SNTG1: variants seen among roughly 807,000 people sequenced by gnomAD.
SNTG1 encodes the protein gamma-1-syntrophin.
Under a neutral mutation model 74.7 loss-of-function variants are expected in SNTG1, and 39 were observed. The observed-to-expected ratio is 0.52, with a 90% confidence interval of 0.40 to 0.68. The LOEUF (loss-of-function observed/expected upper bound fraction) is 0.68, where lower values mean the gene tolerates loss of function less well. SNTG1 is among the 30% of genes least tolerant of loss of function. The pLI, the probability that SNTG1 is intolerant of heterozygous loss-of-function variation, is 0.00. For missense variants in SNTG1, 685 were observed against 609.5 expected, an observed-to-expected ratio of 1.12 and a Z score of -1.30; for synonymous variants, 254 against 217.1, an observed-to-expected ratio of 1.17 and a Z score of -1.49.
At chr8:50,107,625 A>T (rs747155042) in intron 1 of SNTG1, among the ~76,000 whole-genome samples, 7 of 151,798 alleles carry the variant, frequency 4.6e-5, no homozygotes, top group Non-Finnish European at 1.0e-4. Flanking sequence ...ATCTTGGCTC[A>T]CTGAAACCTC....
chr8:49,995,255 G>A (rs1280871545), intron 1 of SNTG1, among the ~76,000 whole-genome samples: 4 of 152,202 alleles, frequency 2.6e-5, no homozygotes, highest in African/African-American at 9.7e-5. Context: ...AGAAAGGACA[G>A]TTGCAGCTAT....
intron 11 of SNTG1, among the ~76,000 whole-genome samples, chr8:50,548,851 G>A (rs755723726): frequency 6.6e-6 from 1 of 152,110 alleles, no homozygotes; most frequent in South Asian, 2.1e-4. Context: ...TATTTTTAAC[G>A]GATTCTTCAG....
intron 2 of SNTG1, among the ~76,000 whole-genome samples, chr8:50,179,230 T>C (rs1482934215): frequency 6.6e-6 from 1 of 152,142 alleles, no homozygotes; most frequent in Admixed American, 6.5e-5. Context: ...TAATTTGAAG[T>C]CAGGAAATAT....
At chr8:49,986,006 G>C (rs1293550939) in intron 1 of SNTG1, among the ~76,000 whole-genome samples, 1 of 152,100 alleles carries the variant, frequency 6.6e-6, no homozygotes, top group African/African-American at 2.4e-5. Context: ...TTATAGAAAA[G>C]TGTTAGAGTT....
At chr8:50,779,793 G>C (rs1464659525) in intron 18 of SNTG1, among the ~76,000 whole-genome samples, 4 of 152,010 alleles carry the variant, frequency 2.6e-5, no homozygotes, top group Non-Finnish European at 4.4e-5. Flanking sequence ...TTTTCAAAGG[G>C]AATGCTTCCA....
chr8:50,334,514 A>AAG (rs34886806), intron 2 of SNTG1, among the ~76,000 whole-genome samples: 7,577 of 151,816 alleles, frequency 0.05, 258 homozygotes, highest in Non-Finnish European at 0.078. Flanking sequence ...CTAAAAAAAA[A>AAG]AAAAAGGAAA....
intron 11 of SNTG1, among the ~76,000 whole-genome samples, chr8:50,542,249 G>A (rs1020866288): frequency 6.7e-5 from 10 of 149,056 alleles, no homozygotes; most frequent in Non-Finnish European, 1.2e-4. Flanking sequence ...CTCCACCCCC[G>A]GGTTCAAGCA....
chr8:50,468,841 A>G (rs775996725), intron 8 of SNTG1, among the ~76,000 whole-genome samples: 21 of 152,142 alleles, frequency 1.4e-4, no homozygotes, highest in Admixed American at 3.3e-4. Context: ...GTTTTTAAAA[A>G]TCTGTATGCA....
At chr8:50,331,924 G>C (rs1440896050) in intron 2 of SNTG1, among the ~76,000 whole-genome samples, 2 of 152,178 alleles carry the variant, frequency 1.3e-5, no homozygotes, top group South Asian at 4.1e-4. Context: ...GAATTTTTCA[G>C]AAGTCAGTCA....
chr8:50,058,893 C>T (rs746707244), intron 1 of SNTG1, among the ~76,000 whole-genome samples: 1 of 152,052 alleles, frequency 6.6e-6, no homozygotes, highest in Non-Finnish European at 1.5e-5. Context: ...ACCTCTCTCT[C>T]TTACCCTCTC....
intron 1 of SNTG1, among the ~76,000 whole-genome samples, chr8:50,170,221 G>T (rs2082759678): frequency 6.6e-6 from 1 of 152,070 alleles, no homozygotes; most frequent in East Asian, 1.9e-4. Flanking sequence ...CCTCAACATT[G>T]GTCCTTTGGA....
chr8:50,532,249 ATAAAG>A (rs1201385286), intron 10 of SNTG1, among the ~76,000 whole-genome samples: 3 of 152,316 alleles, frequency 2.0e-5, no homozygotes, highest in East Asian at 1.9e-4. Context: ...TGAAAACAAA[ATAAAG>A]TATATTCAAA....
At chr8:50,189,017 T>C (rs1355174654) in intron 2 of SNTG1, among the ~76,000 whole-genome samples, 2 of 152,144 alleles carry the variant, frequency 1.3e-5, no homozygotes, top group African/African-American at 4.8e-5. Flanking sequence ...TGAGTCACTA[T>C]GTAAATGGGC....
chr8:49,971,778 G>T (rs1319920730), intron 1 of SNTG1, among the ~76,000 whole-genome samples: 18 of 152,078 alleles, frequency 1.2e-4, no homozygotes, highest in Non-Finnish European at 1.2e-4. Context: ...GCTTCAAAGA[G>T]AATAAAATAC....
intron 2 of SNTG1, among the ~76,000 whole-genome samples, chr8:50,266,404 C>T (rs1286594695): frequency 1.3e-5 from 2 of 151,910 alleles, no homozygotes; most frequent in African/African-American, 2.4e-5. Flanking sequence ...GAAGTTGGAT[C>T]ATGTCCTCAA....
intron 8 of SNTG1, among the ~76,000 whole-genome samples, chr8:50,493,439 CTTT>C (rs1002417121): frequency 6.6e-6 from 1 of 152,056 alleles, no homozygotes; most frequent in African/African-American, 2.4e-5. Flanking sequence ...TATTTAGGTT[CTTT>C]TCCTATTTTC....
chr8:49,991,669 T>A (rs752077162), intron 1 of SNTG1, among the ~76,000 whole-genome samples: 1 of 151,930 alleles, frequency 6.6e-6, no homozygotes, highest in Non-Finnish European at 1.5e-5. Flanking sequence ...TGAGATGAGC[T>A]TTGAAAACAT....
intron 12 of SNTG1, among the ~76,000 whole-genome samples, chr8:50,587,936 C>T (rs1253166983): frequency 1.3e-5 from 2 of 151,516 alleles, no homozygotes; most frequent in Admixed American, 1.3e-4. Flanking sequence ...ATGGTGAAAC[C>T]CTATCTCTAC....
chr8:50,400,304 C>CT (rs1438618827), intron 3 of SNTG1, among the ~76,000 whole-genome samples: 7 of 152,258 alleles, frequency 4.6e-5, no homozygotes, highest in African/African-American at 1.7e-4. Context: ...GCAAAGTATC[C>CT]TCCATCCTTA....
Sources: gnomAD v4.1 joint callset for allele counts (sites outside exome capture counted in the v4.1 genomes callset) on GRCh38, gnomAD v4.1.1 for gene constraint, MANE v1.5 for transcripts, NCBI Gene and HGNC (gene_info 2026-07-23, HGNC 2026-07-21) for gene names.